Variants in KCNK5 observed in about 807,000 individuals in gnomAD.
The protein encoded by KCNK5 is potassium two pore domain channel subfamily K member 5, also known as potassium channel subfamily K member 5.
Under a neutral mutation model 32.9 loss-of-function variants are expected in KCNK5, and 18 were observed. The ratio of observed to expected loss-of-function variants is 0.55; its 90% CI spans 0.38 to 0.81. KCNK5 has a LOEUF of 0.81. Among genes scored for constraint, KCNK5 ranks in the 30% least tolerant of loss-of-function variants. The pLI is 0.00. For missense variants in KCNK5, 507 were observed against 651.0 expected (o/e 0.78, Z 2.41); for synonymous variants, 276 against 275.3 (o/e 1.00, Z -0.03).
chr6:39,193,271 C>T (rs1294617071), intron 4 of KCNK5, among the ~76,000 whole-genome samples: 2 of 152,128 alleles, frequency 1.3e-5, no homozygotes, highest in Non-Finnish European at 2.9e-5. Flanking sequence ...CATGTACTGC[C>T]CAGGACAGCA....
Position 39,194,609 on chromosome 6 carries a change from C to T in KCNK5, c.450G>A (p.Lys150=), listed in dbSNP as rs1770996926. The T allele has an allele frequency of 1.2e-6, 2 of 1,614,040 alleles. No individual in the cohort carries two copies. Among genetic ancestry groups the T allele is most frequent in the Admixed American group, 1.7e-5 (1 of 60,002 alleles). Residue 150 remains lysine, a synonymous_variant, in exon 3 of 5, where the codon AAG becomes AAA. Coordinates refer to ENST00000359534, the MANE Select transcript of KCNK5 (RefSeq NM_003740.4). The surrounding 1 kb of genome is among the most constrained non-coding windows in gnomAD (Gnocchi z 4.7). ...RAKRLGQFLT[K]RGVSLRKAQI... ...GGGGACATACCAGACTCACACCTCT[C>T]TTGGTAAGGAACTGCCCTAGTCTCT...
chr6:39,226,570 A>G (rs1771674959), intron 1 of KCNK5, among the ~76,000 whole-genome samples: 2 of 152,112 alleles, frequency 1.3e-5, no homozygotes, highest in African/African-American at 4.8e-5. Flanking sequence ...GGGCTCCTTC[A>G]TGATTCCAAG....
intron 1 of KCNK5, among the ~76,000 whole-genome samples, chr6:39,210,308 C>T (rs1268526696): frequency 6.6e-6 from 1 of 152,150 alleles, no homozygotes; most frequent in Non-Finnish European, 1.5e-5. Context: ...TTGGCCCTCT[C>T]CCCATGTGTA....
intron 1 of KCNK5, among the ~76,000 whole-genome samples, chr6:39,207,000 T>G (rs1033677492): frequency 1.3e-5 from 2 of 152,196 alleles, no homozygotes; most frequent in African/African-American, 4.8e-5. Flanking sequence ...CTGCTGCATG[T>G]GGCCTCCAGA....
rs947892405 is a variant in KCNK5 at position 39,190,706 on chromosome 6, C to G, written c.*184G>C. On this transcript the variant is annotated 3_prime_UTR_variant, in exon 5 of 5. Transcript: ENST00000359534. ...GCCAGGGTATGGTTCAGCTGGAGAA[C>G]AGAGGCCCTGTCCCGGGCATACATC... 7.4e-6 allele frequency: 4 copies of G among 539,174 alleles called. No individual in the cohort carries two copies. The East Asian group carries it at 1.2e-4, about 16-fold the overall frequency. 33.4% of individuals were successfully genotyped at this position (539,174 alleles called of 1,614,324 possible).
At chr6:39,219,279 T>G (rs1258469015) in intron 1 of KCNK5, among the ~76,000 whole-genome samples, 1 of 151,950 alleles carries the variant, frequency 6.6e-6, no homozygotes, top group Non-Finnish European at 1.5e-5. Context: ...TTCTGTAAAG[T>G]CCCTCCCTCA....
At chr6:39,226,079 C>T (rs75314248) in intron 1 of KCNK5, among the ~76,000 whole-genome samples, 3,574 of 152,326 alleles carry the variant, frequency 0.023, 143 homozygotes, top group African/African-American at 0.08. Context: ...AGTTACATGG[C>T]TTGATGGGTA....
chr6:39,216,093 G>A (rs550652680), intron 1 of KCNK5, among the ~76,000 whole-genome samples: 2 of 152,314 alleles, frequency 1.3e-5, no homozygotes, highest in Non-Finnish European at 2.9e-5. Flanking sequence ...GACCGGCCTG[G>A]CTAACATGGC....
chr6:39,206,488 G>A (rs1174717134), intron 1 of KCNK5, among the ~76,000 whole-genome samples: 9 of 152,208 alleles, frequency 5.9e-5, no homozygotes, highest in African/African-American at 9.7e-5. Context: ...AAAGGTGGCT[G>A]TGGGAACTGC....
In KCNK5 at chr6:39,209,300, C is replaced by A. The variant is rs1264955448; in HGVS notation, c.187-13313G>T. Among the ~76,000 whole-genome samples the A allele has an allele frequency of 6.6e-5, 10 of 152,260 alleles. No homozygotes were observed. In the East Asian group the frequency reaches 1.9e-3, roughly 29 times the overall value. ...ATGTGGCTGCTATCCCCTGACCATG[C>A]ACTACCCCTGCCCTCACCATCCAGG... On this transcript the variant is annotated intron_variant, in intron 1 of 4. Coordinates refer to ENST00000359534, the MANE Select transcript of KCNK5 (RefSeq NM_003740.4).
chr6:39,197,403 C>T (rs769850412), intron 1 of KCNK5, among the ~76,000 whole-genome samples: 4 of 152,262 alleles, frequency 2.6e-5, no homozygotes, highest in Non-Finnish European at 5.9e-5. Flanking sequence ...ACACAGCTCA[C>T]TGCGCTGCCT....
At chr6:39,223,637 C>A (rs1258056799) in intron 1 of KCNK5, among the ~76,000 whole-genome samples, 1 of 152,170 alleles carries the variant, frequency 6.6e-6, no homozygotes, top group African/African-American at 2.4e-5. Context: ...GTCTTGGAGG[C>A]TCCACTCAGG....
chr6:39,207,302 T>G (rs1022796798), intron 1 of KCNK5, among the ~76,000 whole-genome samples: 72 of 152,342 alleles, frequency 4.7e-4, no homozygotes, highest in African/African-American at 1.6e-3. Context: ...TTATCTACCC[T>G]AAATAGATCA....
intron 1 of KCNK5, among the ~76,000 whole-genome samples, chr6:39,216,048 C>T (rs2113794547): frequency 6.6e-6 from 1 of 152,308 alleles, no homozygotes; most frequent in East Asian, 1.9e-4. Flanking sequence ...CTTGGGAGGC[C>T]AAGGCGGGCA....
rs1166225367 is a variant in KCNK5, at chr6:39,191,186, A to G, written c.1204T>C (p.Cys402Arg). The change falls in exon 5 of 5, where the codon TGC becomes CGC. Residue 402 changes from cysteine to arginine, a missense_variant. Physicochemically the swap from Cys to Arg is radical, Grantham distance 180. Around this residue, in one of 6 missense-constraint regions of KCNK5, gnomAD observed 252 missense variants for 250.8 expected, o/e 1.00. Coordinates refer to ENST00000359534, the MANE Select transcript of KCNK5 (RefSeq NM_003740.4). The surrounding 1 kb of genome is among the most constrained non-coding windows in gnomAD (Gnocchi z 5.8). Reference sequence around the variant, plus strand: ...TAGTCCTGGGCGTCCCATGGCTCGCATTCCTCGCTGATGCGGTCCAGCTGG... The same window carrying G: ...TAGTCCTGGGCGTCCCATGGCTCGCGTTCCTCGCTGATGCGGTCCAGCTGG... ...MNQLDRISEE[C>R]EPWDAQDYHP... 2 of 1,614,172 alleles carry G rather than the reference A, an allele frequency of 1.2e-6. No homozygotes were observed. Among genetic ancestry groups the G allele is most frequent in the East Asian group, 2.2e-5 (1 of 44,866 alleles).
Position 39,194,028 on chromosome 6 carries a change from T to C in KCNK5, c.634+141A>G. ...CTGGGTCTTAGTTTCCTCTTGCAAA[T>C]GGCAGAGTGGGTTGAGAATCCCACT... is the stretch of plus-strand genomic sequence containing the variant. On this transcript the variant is annotated intron_variant, in intron 4 of 4. Coordinates refer to ENST00000359534, the MANE Select transcript of KCNK5 (RefSeq NM_003740.4). The surrounding 1 kb of genome is among the most constrained non-coding windows in gnomAD (Gnocchi z 4.7). 2.3e-6 allele frequency: 2 copies of C among 854,834 alleles called. No individual in the cohort carries two copies. The highest frequency in any genetic ancestry group is 1.9e-6 in the Non-Finnish European group (1 of 532,124). The allele number at this position is 854,834 out of a possible 1,614,324, so 53.0% of individuals were successfully genotyped here. A position where few individuals can be genotyped will look rare whatever the true frequency, so the allele number is the denominator to read the frequency against.
intron 1 of KCNK5, among the ~76,000 whole-genome samples, chr6:39,207,046 C>T (rs1771237958): frequency 6.6e-6 from 1 of 152,194 alleles, no homozygotes; most frequent in African/African-American, 2.4e-5. Flanking sequence ...CAGCAATGCC[C>T]TCCTTCCATT....
intron 1 of KCNK5, among the ~76,000 whole-genome samples, chr6:39,223,845 C>T (rs555766102): frequency 6.6e-6 from 1 of 152,286 alleles, no homozygotes; most frequent in African/African-American, 2.4e-5. Flanking sequence ...AAACGCCAGA[C>T]TATAAATAGG....
At chr6:39,213,414 C>T (rs1583716074) in intron 1 of KCNK5, among the ~76,000 whole-genome samples, 1 of 152,206 alleles carries the variant, frequency 6.6e-6, no homozygotes, top group Non-Finnish European at 1.5e-5. Context: ...GAACCACACA[C>T]TTTAACTTGC....
Sources: allele counts gnomAD v4.1 joint callset (sites outside exome capture counted in the v4.1 genomes callset), GRCh38; gene constraint gnomAD v4.1.1; regional missense constraint gnomAD v4.1.1; non-coding constraint Gnocchi (gnomAD v3.1); transcripts MANE v1.5; gene names NCBI Gene and HGNC (gene_info 2026-07-23, HGNC 2026-07-21).